LPAR6: variants seen among roughly 807,000 people sequenced by gnomAD.
LPAR6 encodes G-protein coupled purinergic receptor P2Y5.
A neutral mutation model predicts 22.0 loss-of-function variants in LPAR6; 17 were observed. That is an observed-to-expected ratio of 0.77 (90% CI 0.53 to 1.16). The LOEUF (loss-of-function observed/expected upper bound fraction) is 1.16. Among genes scored for constraint, LPAR6 ranks in the 50% most tolerant of loss-of-function variants. LPAR6 has a pLI of 0.00. For synonymous variants in LPAR6, 136 were observed against 139.8 expected (o/e 0.97, Z 0.19); for missense variants, 384 against 406.9 (o/e 0.94, Z 0.48).
At chr13:48,441,541 A>G (rs546172250) in intron 1 of LPAR6, among the ~76,000 whole-genome samples, 3 of 152,350 alleles carry the variant, frequency 2.0e-5, no homozygotes, top group Non-Finnish European at 4.4e-5. Context: ...TTTAAGGATT[A>G]TGAAATTCTG....
Position 48,411,472 on chromosome 13 carries a change from C to A in LPAR6, c.952G>T (p.Glu318Ter). 6.2e-7 allele frequency: 1 copy of A among 1,613,104 alleles called. No individual in the cohort carries two copies. Among genetic ancestry groups the A allele is most frequent in the Non-Finnish European group, 8.5e-7 (1 of 1,179,460 alleles). The part of the protein sequence containing the change: ...SVRRSDFRFS[E>*]VHGAENFIQH... ...ATAAAATTCTCTGCACCATGAACTT[C>A]AGAGAATCTGAAGTCACTTCTCCTG... Residue 318 changes from glutamate to a stop codon, truncating the protein, a stop_gained, in exon 1 of 1, where the codon GAA (glutamate) becomes TAA (stop). Transcript: ENST00000620633. LOFTEE classifies it high-confidence loss of function.
intron 2 of LPAR6, among the ~76,000 whole-genome samples, chr13:48,421,261 A>T (rs61948662): frequency 2.0e-5 from 3 of 151,068 alleles, no homozygotes; most frequent in Non-Finnish European, 3.0e-5. Flanking sequence ...TTTGACAAAG[A>T]TGAGACAAAG....
chr13:48,424,660 G>A (rs985419802), intron 1 of LPAR6, among the ~76,000 whole-genome samples: 3 of 151,974 alleles, frequency 2.0e-5, no homozygotes, highest in South Asian at 4.2e-4. Flanking sequence ...ATCATATCAC[G>A]TCTTTTCTAT....
intron 2 of LPAR6, among the ~76,000 whole-genome samples, chr13:48,422,352 C>T (rs1009131405): frequency 7.2e-5 from 11 of 152,084 alleles, no homozygotes; most frequent in Admixed American, 6.6e-4. Context: ...GAACATCACA[C>T]ATCGGGGCCT....
At chr13:48,430,614 C>G (rs1193985654), upstream of LPAR6, among the ~76,000 whole-genome samples, 2 of 152,114 alleles carry the variant, frequency 1.3e-5, no homozygotes, top group East Asian at 3.8e-4. Context: ...GTGGCACGTG[C>G]CTGTAGTCCC....
At position 48,434,281 on chromosome 13, in the gene LPAR6, C is replaced by T. The variant is rs139396730; in HGVS notation, c.-1473-10162G>A. ...GGACAACATAGTGAGAATCTCTCTC[C>T]ATTTAATAAATAAATAAATAAAATT... On this transcript the variant is annotated intron_variant, in intron 1 of 6. Transcript: ENST00000378434. Among the ~76,000 whole-genome samples the T allele has an allele frequency of 5.6e-3, 845 of 151,794 alleles. 5 individuals are homozygous for T. The highest frequency in any genetic ancestry group is 0.01 in the Middle Eastern group (3 of 294).
upstream of LPAR6, among the ~76,000 whole-genome samples, chr13:48,431,253 T>C (rs1176750999): frequency 1.3e-5 from 2 of 152,230 alleles, no homozygotes; most frequent in Non-Finnish European, 2.9e-5. Context: ...TTAATATTTG[T>C]ATTTTTTTTA....
At chr13:48,427,111 T>G (rs1266459551), upstream of LPAR6, among the ~76,000 whole-genome samples, 2 of 152,212 alleles carry the variant, frequency 1.3e-5, no homozygotes, top group Non-Finnish European at 2.9e-5. Flanking sequence ...ACCCCCCTGA[T>G]GTAGTCATCT....
intron 1 of LPAR6, among the ~76,000 whole-genome samples, chr13:48,393,864 T>C (rs573518161): frequency 6.6e-6 from 1 of 152,340 alleles, no homozygotes; most frequent in African/African-American, 2.4e-5. Context: ...CATACTCTTT[T>C]TCTGTGGTCA....
Position 48,412,313 on chromosome 13 carries a change from A to C in LPAR6, c.111T>G (p.Val37=). The C allele has an allele frequency of 6.2e-7, 1 of 1,613,202 alleles. No homozygotes were observed. Among genetic ancestry groups the C allele is most frequent in the Non-Finnish European group, 8.5e-7 (1 of 1,179,152 alleles). Residue 37 remains valine (V), a synonymous_variant, in exon 1 of 1, where the codon GTT becomes GTG. Transcript: ENST00000620633. ...VFVLGLISNC[V]AIYIFICVLK... is the part of the protein sequence containing the mutation. ...GGACGCAGATGAAAATGTATATGGC[A>C]ACACAATTGGATATTAACCCAAGCA...
intron 1 of LPAR6, chr13:48,404,188 G>A (rs764947019): frequency 6.6e-6 from 1 of 152,172 alleles, no homozygotes; most frequent in Non-Finnish European, 1.5e-5. Flanking sequence ...TACAGACACG[G>A]GGCTAGGGTT....
At chr13:48,420,933 T>C (rs1948996009) in intron 2 of LPAR6, among the ~76,000 whole-genome samples, 1 of 152,134 alleles carries the variant, frequency 6.6e-6, no homozygotes, top group African/African-American at 2.4e-5. Context: ...ATAGGAAGAA[T>C]CAATCTTGTG....
At chr13:48,435,088 T>C (rs1949170099) in intron 1 of LPAR6, among the ~76,000 whole-genome samples, 1 of 152,180 alleles carries the variant, frequency 6.6e-6, no homozygotes, top group Non-Finnish European at 1.5e-5. Context: ...TGAGTAAAAT[T>C]GAAGAGTTGT....
downstream of LPAR6, among the ~76,000 whole-genome samples, chr13:48,408,272 T>A (rs1452960083): frequency 6.6e-6 from 1 of 151,932 alleles, no homozygotes; most frequent in Non-Finnish European, 1.5e-5. Flanking sequence ...ATATATATAA[T>A]ACATATATTT....
intron 1 of LPAR6, among the ~76,000 whole-genome samples, chr13:48,392,112 CTTTT>C (rs1948615324): frequency 6.6e-6 from 1 of 151,670 alleles, no homozygotes; most frequent in Non-Finnish European, 1.5e-5. Context: ...TGCCTTGTTT[CTTTT>C]TTTCTTTTTT....
At chr13:48,420,284 A>G (rs1232409302) in intron 2 of LPAR6, among the ~76,000 whole-genome samples, 3 of 152,198 alleles carry the variant, frequency 2.0e-5, no homozygotes, top group Non-Finnish European at 4.4e-5. Flanking sequence ...AAAGATAAAA[A>G]CCACATGATT....
chr13:48,421,753 A>C (rs1303776429), intron 2 of LPAR6, among the ~76,000 whole-genome samples: 2 of 152,240 alleles, frequency 1.3e-5, no homozygotes, highest in Non-Finnish European at 2.9e-5. Context: ...TGTGGCCAAC[A>C]AGCATATGAA....
intron 1 of LPAR6, among the ~76,000 whole-genome samples, chr13:48,434,833 GT>G: frequency 6.6e-6 from 1 of 152,128 alleles, no homozygotes; most frequent in Middle Eastern, 3.4e-3. Context: ...AACAGGATTA[GT>G]TTTTTTTCTC....
In LPAR6 at chr13:48,411,630, A is replaced by G. The variant is rs754779864; in HGVS notation, c.794T>C (p.Val265Ala). ...GTACATTGTCCTTACTGCTGCCACTACTGAGCAATTAACAAATGTTTGTGT... is the reference window on the plus strand; with the variant it reads ...GTACATTGTCCTTACTGCTGCCACTGCTGAGCAATTAACAAATGTTTGTGT... Reference protein sequence around the residue: ...VRTQTFVNCSVVAAVRTMYPI... With the variant: ...VRTQTFVNCSAVAAVRTMYPI... The change falls in exon 1 of 1, where the codon GTA becomes GCA. Residue 265 changes from valine to alanine, a missense_variant. Val to Ala is a moderately conservative substitution (Grantham distance 64). Coordinates refer to ENST00000620633, the MANE Select transcript of LPAR6 (RefSeq NM_001162498.3). The G allele has an allele frequency of 6.8e-6, 11 of 1,612,002 alleles. No individual in the cohort carries two copies. The highest frequency in any genetic ancestry group is 9.3e-6 in the Non-Finnish European group (11 of 1,178,296).
Sources: gnomAD v4.1 joint callset for allele counts (sites outside exome capture counted in the v4.1 genomes callset) on GRCh38, gnomAD v4.1.1 for gene constraint, MANE v1.5 for transcripts, NCBI Gene and HGNC (gene_info 2026-07-23, HGNC 2026-07-21) for gene names.